The following SLF1 variants were observed in gnomAD, a reference collection of about 807,000 sequenced individuals.
SLF1 encodes the protein SMC5-SMC6 complex localization factor protein 1.
In SLF1, 105 loss-of-function variants were observed where a neutral mutation model predicts 123.0. The ratio of observed to expected loss-of-function variants is 0.85; its 90% CI spans 0.73 to 1.00. The LOEUF is 1.00. Ranked by LOEUF, SLF1 falls within the 50% of genes least tolerant of loss-of-function variation. The pLI is 0.00. For synonymous variants in SLF1, 434 were observed against 406.6 expected (o/e 1.07, Z -0.81); for missense variants, 1,239 against 1,223.0 (o/e 1.01, Z -0.20).
intron 10 of SLF1, among the ~76,000 whole-genome samples, chr5:94,663,215 C>G (rs1749339471): frequency 6.6e-6 from 1 of 152,184 alleles, no homozygotes. Flanking sequence ...TTTTCCCTTA[C>G]TACTGAAGGC....
intron 6 of SLF1, 81 bp from the exon 7 acceptor site, chr5:94,651,621 T>A: frequency 8.2e-7 from 1 of 1,217,268 alleles, no homozygotes; most frequent in Non-Finnish European, 1.1e-6. Flanking sequence ...TGGATGGGTT[T>A]TTCTTTTGTG....
chr5:94,650,555 G>A (rs990589703), intron 6 of SLF1, among the ~76,000 whole-genome samples: 1 of 151,916 alleles, frequency 6.6e-6, no homozygotes, highest in African/African-American at 2.4e-5. Context: ...TAGTAGAGAC[G>A]GGGTTTCACC....
At chr5:94,694,087 A>C (rs187431753) in intron 20 of SLF1, among the ~76,000 whole-genome samples, 238 of 152,004 alleles carry the variant, frequency 1.6e-3, no homozygotes, top group African/African-American at 5.4e-3. Context: ...CAAGTGCATA[A>C]ATAATTATAA....
chr5:94,662,318 T>TA lies in SLF1; in HGVS notation c.1177dup (p.Arg393LysfsTer4). On this transcript the variant is annotated frameshift_variant, in exon 10 of 21. Transcript: ENST00000265140. LOFTEE classifies it high-confidence loss of function. The stretch of plus-strand genomic sequence containing the variant: ...TGTAGGCTGTCAGATACAACTGCAT[T>TA]AGAATAGATAAACAACCAGTGTACA... The TA allele has an allele frequency of 6.5e-7, 1 of 1,550,024 alleles. No homozygotes were observed. Among genetic ancestry groups the TA allele is most frequent in the Non-Finnish European group, 8.7e-7 (1 of 1,146,020 alleles).
At chr5:94,694,804 G>C (rs1462001186) in intron 20 of SLF1, 27 bp from the exon 21 acceptor site, 1 of 1,523,240 alleles carries the variant, frequency 6.6e-7, no homozygotes, top group East Asian at 2.3e-5. Context: ...TGTTTTACTT[G>C]CAACATTTTG....
At chr5:94,686,044 A>G (rs1752391906) in intron 15 of SLF1, among the ~76,000 whole-genome samples, 1 of 150,512 alleles carries the variant, frequency 6.6e-6, no homozygotes, top group South Asian at 2.1e-4. Flanking sequence ...TTCTTGTTTC[A>G]TGTTTTTCTT....
At chr5:94,678,187 T>C (rs2152493284) in intron 14 of SLF1, among the ~76,000 whole-genome samples, 1 of 152,334 alleles carries the variant, frequency 6.6e-6, no homozygotes, top group African/African-American at 2.4e-5. Context: ...CCCAAAGTGC[T>C]GGGATTACAG....
chr5:94,666,671 C>T lies in SLF1; in HGVS notation c.1532+647C>T, dbSNP rs141742791. On this transcript the variant is annotated intron_variant, in intron 12 of 20. Transcript: ENST00000265140. ...CTTTTTTTGAGACATGAGTCTCGCT[C>T]TGTCACCCAGGCTGGAGTGCAGTGG... Among the ~76,000 whole-genome samples the T allele has an allele frequency of 4.9e-3, 753 of 152,252 alleles. 6 individuals are homozygous for T. Among genetic ancestry groups the T allele is most frequent in the Middle Eastern group, 0.024 (7 of 294 alleles).
intron 8 of SLF1, 132 bp from the exon 9 acceptor site, chr5:94,654,498 A>G (rs1748144217): frequency 2.0e-6 from 1 of 506,866 alleles, no homozygotes; most frequent in Non-Finnish European, 3.0e-6. Flanking sequence ...ATCTTGATAT[A>G]TGATTGTGAG....
At chr5:94,694,737 A>G (rs1430134776) in intron 20 of SLF1, 94 bp from the exon 21 acceptor site, 1 of 1,421,652 alleles carries the variant, frequency 7.0e-7, no homozygotes, top group African/African-American at 1.4e-5. Context: ...TTGCAAAGAA[A>G]GCACTGGATG....
intron 4 of SLF1, among the ~76,000 whole-genome samples, chr5:94,631,326 T>C (rs1181162107): frequency 6.6e-6 from 1 of 152,158 alleles, no homozygotes; most frequent in Non-Finnish European, 1.5e-5. Flanking sequence ...TTGGACAAAT[T>C]GATGCACCCA....
At chr5:94,644,250 C>T (rs1203389070) in intron 5 of SLF1, among the ~76,000 whole-genome samples, 1 of 152,136 alleles carries the variant, frequency 6.6e-6, no homozygotes, top group Non-Finnish European at 1.5e-5. Context: ...ATTAATCTTC[C>T]TGTAACTCTA....
chr5:94,642,329 G>C (rs1206149444), intron 4 of SLF1, among the ~76,000 whole-genome samples: 1 of 152,184 alleles, frequency 6.6e-6, no homozygotes, highest in Non-Finnish European at 1.5e-5. Context: ...ATGTGGCAAA[G>C]AGCATGCTAG....
chr5:94,628,962 A>G, intron 2 of SLF1, 38 bp downstream of exon 2: 1 of 1,451,346 alleles, frequency 6.9e-7, no homozygotes, highest in Non-Finnish European at 9.3e-7. Context: ...TATATTTGAA[A>G]AATAACTACA....
At position 94,650,066 on chromosome 5, in the gene SLF1, AC is replaced by A. The variant is rs1367139545; in HGVS notation, c.738+471del. Among the ~76,000 whole-genome samples the A allele has an allele frequency of 4.5e-4, 69 of 152,316 alleles. 1 individual carries two copies. The highest frequency in any genetic ancestry group is 1.6e-3 in the African/African-American group (67 of 41,582). On this transcript the variant is annotated intron_variant, in intron 6 of 20. Transcript: ENST00000265140. The stretch of plus-strand genomic sequence containing the variant: ...CTTTGAACTTGGAGCAATAAAAAGT[AC>A]CTCAAGAAAGCACATATGGTATGGT...
intron 10 of SLF1, 149 bp downstream of exon 10, chr5:94,662,500 C>G (rs1749245007): frequency 3.3e-6 from 2 of 605,156 alleles, no homozygotes; most frequent in South Asian, 5.5e-5. Flanking sequence ...CTTCTCTAAT[C>G]AGAAATGATA....
intron 16 of SLF1, among the ~76,000 whole-genome samples, chr5:94,688,012 ATAT>A (rs1752642735): frequency 7.7e-6 from 1 of 130,312 alleles, no homozygotes; most frequent in Non-Finnish European, 1.7e-5. Context: ...AGATATGTAG[ATAT>A]TAATATCTAT....
intron 20 of SLF1, among the ~76,000 whole-genome samples, 198 bp from the exon 21 acceptor site, chr5:94,694,632 TA>T (rs1192630304): frequency 6.6e-6 from 1 of 151,888 alleles, no homozygotes; most frequent in East Asian, 1.9e-4. Context: ...GGGGAAACCT[TA>T]TTAGGTAATT....
At chr5:94,684,595 G>T (rs1752181855) in intron 15 of SLF1, among the ~76,000 whole-genome samples, 1 of 151,090 alleles carries the variant, frequency 6.6e-6, no homozygotes, top group African/African-American at 2.4e-5. Context: ...CTACTCGGGA[G>T]CCTGAGCCAG....
Sources: allele counts gnomAD v4.1 joint callset (sites outside exome capture counted in the v4.1 genomes callset), GRCh38; gene constraint gnomAD v4.1.1; transcripts MANE v1.5; gene names NCBI Gene and HGNC (gene_info 2026-07-23, HGNC 2026-07-21).